Variants in FAM171A1 observed in about 807,000 individuals in gnomAD.
FAM171A1 encodes protein FAM171A1.
FAM171A1 carries 23 observed loss-of-function variants against 74.9 expected under a neutral mutation model. The observed-to-expected ratio is 0.31, with a 90% CI of 0.22 to 0.44. The LOEUF (loss-of-function observed/expected upper bound fraction) is 0.44, where lower values mean the gene tolerates loss of function less well. Among genes scored for constraint, FAM171A1 ranks in the 20% least tolerant of loss-of-function variants. FAM171A1 has a pLI of 1.00. For missense variants in FAM171A1, 1,162 were observed against 1,159.2 expected (o/e 1.00, Z -0.03); for synonymous variants, 527 against 505.7 (o/e 1.04, Z -0.57).
At chr10:15,307,294 GGCTGA>G (rs1206427675) in intron 1 of FAM171A1, among the ~76,000 whole-genome samples, 3 of 152,138 alleles carry the variant, frequency 2.0e-5, no homozygotes, top group African/African-American at 2.4e-5. Context: ...GATTCTAACA[GGCTGA>G]GCTAACAGGC....
intron 5 of FAM171A1, among the ~76,000 whole-genome samples, chr10:15,226,260 T>C (rs745375225): frequency 3.3e-5 from 5 of 152,202 alleles, no homozygotes; most frequent in Non-Finnish European, 7.3e-5. Context: ...GACATGTGCC[T>C]CTCTGTTCCA....
intron 5 of FAM171A1, among the ~76,000 whole-genome samples, chr10:15,245,214 C>T (rs1834417075): frequency 6.6e-6 from 1 of 152,136 alleles, no homozygotes; most frequent in East Asian, 1.9e-4. Context: ...TATAGGCATG[C>T]ACCACCACGC....
intron 1 of FAM171A1, among the ~76,000 whole-genome samples, chr10:15,337,529 G>T (rs74394238): frequency 4.2e-5 from 6 of 144,030 alleles, no homozygotes; most frequent in African/African-American, 1.6e-4. Context: ...CGTGACTCAC[G>T]CCTGTAATCC....
intron 1 of FAM171A1, among the ~76,000 whole-genome samples, chr10:15,293,630 A>G (rs1433163794): frequency 2.0e-5 from 3 of 152,152 alleles, no homozygotes; most frequent in African/African-American, 4.8e-5. Context: ...CAAAGATGCA[A>G]ACAAGATCTG....
chr10:15,285,235 A>G (rs1248966165), intron 1 of FAM171A1, among the ~76,000 whole-genome samples: 1 of 152,198 alleles, frequency 6.6e-6, no homozygotes, highest in Non-Finnish European at 1.5e-5. Flanking sequence ...TGTTTCCTGG[A>G]GAAACAATGG....
At chr10:15,317,097 T>C (rs1835431284) in intron 1 of FAM171A1, among the ~76,000 whole-genome samples, 1 of 149,434 alleles carries the variant, frequency 6.7e-6, no homozygotes, top group African/African-American at 2.5e-5. Flanking sequence ...GAAAAAAATA[T>C]AGGCCTTTCC....
chr10:15,248,873 G>T, intron 4 of FAM171A1, 58 bp from the exon 5 acceptor site: 1 of 1,501,990 alleles, frequency 6.7e-7, no homozygotes. Context: ...TGGGGCTGTG[G>T]AAACCTTTGC....
intron 3 of FAM171A1, among the ~76,000 whole-genome samples, chr10:15,261,037 G>A (rs1371382584): frequency 6.6e-6 from 1 of 152,228 alleles, no homozygotes; most frequent in Non-Finnish European, 1.5e-5. Context: ...CTCAAGAGAG[G>A]AGAAGGCATT....
At chr10:15,350,346 C>CT (rs1216506057) in intron 1 of FAM171A1, among the ~76,000 whole-genome samples, 9 of 151,180 alleles carry the variant, frequency 6.0e-5, no homozygotes, top group South Asian at 2.1e-4. Flanking sequence ...TTTATTTTTA[C>CT]TTTTTTTTTG....
In FAM171A1 at chr10:15,213,198, C is replaced by T. The variant is rs2131697897; in HGVS notation, c.2390G>A (p.Ser797Asn). The T allele has an allele frequency of 1.9e-6, 3 of 1,614,146 alleles. No individual in the cohort carries two copies. The highest frequency in any genetic ancestry group is 2.2e-5 in the East Asian group (1 of 44,862). ...QLVYLDDVEQ[S>N]GSECGTTVCT... is the part of the protein sequence containing the mutation. ...GACCGTGGTCCCACATTCGCTACCA[C>T]TCTGTTCCACGTCATCCAGGTACAC... The change falls in exon 8 of 8, where the codon AGT becomes AAT. Residue 797 changes from serine (S) to asparagine (N), a missense_variant. Physicochemically the swap from Ser to Asn is conservative, Grantham distance 46. Coordinates refer to ENST00000378116, the MANE Select transcript of FAM171A1 (RefSeq NM_001010924.2). This position sits in a 1 kb window ranked among gnomAD's most constrained non-coding sequence, Gnocchi z 6.8.
chr10:15,312,732 T>C lies in FAM171A1; in HGVS notation c.98-28627A>G, dbSNP rs1373523680. Reference sequence around the variant, plus strand: ...TTTTTTTTGAGACGATATTTTGCTCTTGTTGCCCAGGCTGGAGTGCAGTGG... The same window carrying C: ...TTTTTTTTGAGACGATATTTTGCTCCTGTTGCCCAGGCTGGAGTGCAGTGG... On this transcript the variant is annotated intron_variant, in intron 1 of 7. Transcript: ENST00000378116. Among the ~76,000 whole-genome samples, 3 of 128,216 alleles carry C rather than the reference T, an allele frequency of 2.3e-5. No homozygotes were observed. In the East Asian group the frequency reaches 7.7e-4, roughly 33 times the overall value. 84.1% of individuals were successfully genotyped at this position (128,216 alleles called of 152,430 possible). A position where few individuals can be genotyped will look rare whatever the true frequency, so the allele number is the denominator to read the frequency against.
chr10:15,259,860 C>T (rs1454525538), intron 3 of FAM171A1, among the ~76,000 whole-genome samples: 2 of 151,654 alleles, frequency 1.3e-5, no homozygotes, highest in Non-Finnish European at 2.9e-5. Flanking sequence ...TTCACTTGCT[C>T]TGTCACCCAG....
chr10:15,371,019 G>A lies in FAM171A1; in HGVS notation c.34C>T (p.Leu12=). The A allele has an allele frequency of 8.4e-7, 1 of 1,184,182 alleles. No individual in the cohort carries two copies. The highest frequency in any genetic ancestry group is 1.1e-6 in the Non-Finnish European group (1 of 933,738). The allele number at this position is 1,184,182 out of a possible 1,614,324, so 73.4% of individuals were successfully genotyped here. A position where few individuals can be genotyped will look rare whatever the true frequency, so the allele number is the denominator to read the frequency against. Residue 12 remains leucine, a synonymous_variant, in exon 1 of 8, where the codon CTG becomes TTG. Coordinates refer to ENST00000378116, the MANE Select transcript of FAM171A1 (RefSeq NM_001010924.2). The part of the protein sequence containing the change: ...SRSATLLLCL[L]GCHVWKAVTK... Reference sequence around the variant, plus strand: ...ACCGCCTTCCAGACGTGGCAGCCCAGCAGGCACAGCAGCAGCGTCGCGGAC... The same window carrying A: ...ACCGCCTTCCAGACGTGGCAGCCCAACAGGCACAGCAGCAGCGTCGCGGAC...
intron 1 of FAM171A1, among the ~76,000 whole-genome samples, chr10:15,289,767 C>G (rs905001048): frequency 1.3e-5 from 2 of 152,242 alleles, no homozygotes; most frequent in Non-Finnish European, 2.9e-5. Flanking sequence ...CTTTTGTATA[C>G]AGTCCATGAA....
intron 3 of FAM171A1, among the ~76,000 whole-genome samples, chr10:15,271,779 A>C (rs1412450014): frequency 6.6e-6 from 1 of 152,218 alleles, no homozygotes; most frequent in Non-Finnish European, 1.5e-5. Flanking sequence ...ATATCCAGCC[A>C]AACTAAGCTT....
intron 5 of FAM171A1, among the ~76,000 whole-genome samples, chr10:15,246,133 C>T (rs183433582): frequency 2.0e-5 from 3 of 151,874 alleles, no homozygotes; most frequent in Non-Finnish European, 2.9e-5. Context: ...GTGCCCGTCT[C>T]GCTTACTGCA....
intron 5 of FAM171A1, among the ~76,000 whole-genome samples, chr10:15,229,646 C>A (rs538453100): frequency 6.8e-6 from 1 of 147,396 alleles, no homozygotes; most frequent in Admixed American, 6.8e-5. Flanking sequence ...TCATCACCAT[C>A]ACCATCATCA....
intron 4 of FAM171A1, among the ~76,000 whole-genome samples, chr10:15,250,711 G>A (rs939240982): frequency 6.6e-5 from 10 of 152,164 alleles, no homozygotes; most frequent in African/African-American, 2.4e-4. Flanking sequence ...AGTGAGCTAT[G>A]ATCACACCAC....
At position 15,237,330 on chromosome 10, in the gene FAM171A1, T is replaced by A. The variant is rs1834304725; in HGVS notation, c.754+11309A>T. Among the ~76,000 whole-genome samples the A allele has an allele frequency of 3.3e-5, 5 of 152,142 alleles. No individual in the cohort carries two copies. The South Asian group carries it at 1.0e-3, about 32-fold the overall frequency. On this transcript the variant is annotated intron_variant, in intron 5 of 7. Coordinates refer to ENST00000378116, the MANE Select transcript of FAM171A1 (RefSeq NM_001010924.2). ...AAACAAAAGTGCCCCCTGAACCCGA[T>A]CATACTAGAACAAATGTGATGCTAT... is the stretch of plus-strand genomic sequence containing the variant.
Sources: allele counts gnomAD v4.1 joint callset (sites outside exome capture counted in the v4.1 genomes callset), GRCh38; gene constraint gnomAD v4.1.1; non-coding constraint Gnocchi (gnomAD v3.1); transcripts MANE v1.5; gene names NCBI Gene and HGNC (gene_info 2026-07-23, HGNC 2026-07-21).